The following NOSTRIN variants were observed in gnomAD, a reference collection of about 807,000 sequenced individuals.
NOSTRIN encodes BM247 homolog.
Under a neutral mutation model 59.0 loss-of-function variants are expected in NOSTRIN, and 63 were observed. That is an observed-to-expected ratio of 1.07 (90% CI 0.87 to 1.32). The LOEUF (loss-of-function observed/expected upper bound fraction) is 1.32, where lower values mean the gene tolerates loss of function less well. Among genes scored for constraint, NOSTRIN ranks in the 40% most tolerant of loss-of-function variants. NOSTRIN has a pLI of 0.00. For synonymous variants in NOSTRIN, 200 were observed against 165.4 expected, an observed-to-expected ratio of 1.21 and a Z score of -1.61; for missense variants, 512 against 473.1, an observed-to-expected ratio of 1.08 and a Z score of -0.76.
chr2:168,796,648 C>A (rs934745230), upstream of NOSTRIN, among the ~76,000 whole-genome samples: 1 of 152,182 alleles, frequency 6.6e-6, no homozygotes, highest in East Asian at 1.9e-4. Context: ...CTGTTTATAT[C>A]TTTTAACCAA....
At chr2:168,839,173 G>A (rs572062108) in intron 7 of NOSTRIN, among the ~76,000 whole-genome samples, 35 of 152,152 alleles carry the variant, frequency 2.3e-4, no homozygotes, top group African/African-American at 8.0e-4. Flanking sequence ...ATTCTCCGTC[G>A]TAAGCTGTGT....
At chr2:168,858,609 G>T (rs1431061543) in intron 12 of NOSTRIN, among the ~76,000 whole-genome samples, 1 of 152,244 alleles carries the variant, frequency 6.6e-6, no homozygotes, top group Admixed American at 6.5e-5. Context: ...AGACTATCAA[G>T]TGAAGGTCTA....
chr2:168,845,825 A>T (rs1450480924), intron 8 of NOSTRIN, among the ~76,000 whole-genome samples: 1 of 137,218 alleles, frequency 7.3e-6, no homozygotes, highest in Non-Finnish European at 1.5e-5. Flanking sequence ...TCCAAGTCAC[A>T]TGGAATATCT....
At chr2:168,837,280 AT>A (rs1687782980) in intron 7 of NOSTRIN, among the ~76,000 whole-genome samples, 2 of 91,426 alleles carry the variant, frequency 2.2e-5, no homozygotes, top group African/African-American at 8.1e-5. Flanking sequence ...TTTTTTTTTT[AT>A]AATACACTTT....
At chr2:168,863,832 A>T (rs895797281) in intron 15 of NOSTRIN, among the ~76,000 whole-genome samples, 4 of 152,208 alleles carry the variant, frequency 2.6e-5, no homozygotes, top group Non-Finnish European at 5.9e-5. Context: ...ACCAAGAAAG[A>T]GTTTGGTGAC....
chr2:168,859,386 A>T, intron 12 of NOSTRIN, 126 bp from the exon 13 acceptor site: 2 of 1,394,514 alleles, frequency 1.4e-6, no homozygotes, highest in Non-Finnish European at 1.9e-6. Flanking sequence ...TTTTCTGTGA[A>T]TATCTGTATG....
At chr2:168,844,733 G>A (rs183513634) in intron 8 of NOSTRIN, among the ~76,000 whole-genome samples, 9 of 152,274 alleles carry the variant, frequency 5.9e-5, no homozygotes, top group African/African-American at 1.7e-4. Flanking sequence ...AGCCGCGCGT[G>A]GTGGCGGGCG....
At position 168,861,408 on chromosome 2, in the gene NOSTRIN, C is replaced by T. The variant is rs76604500; in HGVS notation, c.1294+499C>T. 7.0e-3 allele frequency among the ~76,000 whole-genome samples: 1,058 copies of T among 152,034 alleles called. 28 individuals carry two copies. The highest frequency in any genetic ancestry group is 0.049 in the Admixed American group (752 of 15,258). On this transcript the variant is annotated intron_variant, in intron 14 of 15. Coordinates refer to ENST00000317647, the MANE Select transcript of NOSTRIN (RefSeq NM_001039724.4). The stretch of plus-strand genomic sequence containing the variant: ...CTCTTCATCTTTCAGCACACACACA[C>T]GTGTCACTGTACCTGCATGTTCAAG...
chr2:168,793,227 C>A (rs1014141344), upstream of NOSTRIN, among the ~76,000 whole-genome samples: 2 of 152,198 alleles, frequency 1.3e-5, no homozygotes, highest in Admixed American at 6.5e-5. Flanking sequence ...TGGTTCCTGG[C>A]AACAGCCTCC....
chr2:168,802,639 A>G lies in NOSTRIN; in HGVS notation c.-8A>G. 1 of 868,740 alleles carries G rather than the reference A, an allele frequency of 1.2e-6. No individual in the cohort carries two copies. The highest frequency in any genetic ancestry group is 1.7e-5 in the Admixed American group (1 of 58,818). 53.8% of individuals were successfully genotyped at this position (868,740 alleles called of 1,614,324 possible). A position where few individuals can be genotyped will look rare whatever the true frequency, so the allele number is the denominator to read the frequency against. ...AGGTGAAAGGACAAAAGCCAGACAC[A>G]TTTCAACATGAGGGACCCACTGACA... On this transcript the variant is annotated 5_prime_UTR_variant, in exon 1 of 16. Transcript: ENST00000317647.
chr2:168,808,912 A>C (rs1686002022), intron 1 of NOSTRIN, among the ~76,000 whole-genome samples: 1 of 152,220 alleles, frequency 6.6e-6, no homozygotes, highest in Non-Finnish European at 1.5e-5. Context: ...AAAAGGAAAA[A>C]AATAGTTGTT....
intron 2 of NOSTRIN, among the ~76,000 whole-genome samples, chr2:168,812,825 C>A (rs1262846264): frequency 6.6e-6 from 1 of 152,122 alleles, no homozygotes; most frequent in Non-Finnish European, 1.5e-5. Context: ...TTTGTTTTAA[C>A]CTTTTTTAAA....
At chr2:168,830,398 A>G (rs1687295973) in intron 5 of NOSTRIN, among the ~76,000 whole-genome samples, 2 of 152,194 alleles carry the variant, frequency 1.3e-5, no homozygotes, top group South Asian at 4.1e-4. Context: ...TTCTAAAGTG[A>G]CCTTGTTCCA....
intron 2 of NOSTRIN, among the ~76,000 whole-genome samples, chr2:168,819,803 C>T (rs556374618): frequency 6.6e-6 from 1 of 152,184 alleles, no homozygotes; most frequent in Admixed American, 6.5e-5. Context: ...TCGTGCTGTT[C>T]AGAGAGGCAA....
At chr2:168,798,314 C>T (rs1019433124), upstream of NOSTRIN, 2 of 152,152 alleles carry the variant, frequency 1.3e-5, no homozygotes, top group Non-Finnish European at 2.9e-5. Flanking sequence ...TCTTTGCACG[C>T]TTTGGCTACT....
At chr2:168,820,303 G>A (rs1686658292) in intron 2 of NOSTRIN, among the ~76,000 whole-genome samples, 4 of 152,260 alleles carry the variant, frequency 2.6e-5, no homozygotes, top group Middle Eastern at 3.4e-3. Context: ...GAAATGGGTA[G>A]AGAGAGTATA....
intron 7 of NOSTRIN, among the ~76,000 whole-genome samples, chr2:168,835,768 C>A (rs554756195): frequency 6.6e-6 from 1 of 152,226 alleles, no homozygotes; most frequent in Non-Finnish European, 1.5e-5. Flanking sequence ...CCACAACTGT[C>A]CATGTGTGAG....
At chr2:168,839,084 C>A (rs1278454282) in intron 7 of NOSTRIN, among the ~76,000 whole-genome samples, 2 of 152,016 alleles carry the variant, frequency 1.3e-5, no homozygotes, top group Non-Finnish European at 2.9e-5. Flanking sequence ...CACACCCAGC[C>A]AGGAAAAACT....
At chr2:168,845,789 C>CTTT (rs1559132593) in intron 8 of NOSTRIN, among the ~76,000 whole-genome samples, 2 of 86,102 alleles carry the variant, frequency 2.3e-5, no homozygotes, top group African/African-American at 1.5e-4. Flanking sequence ...TTTTTTTCTT[C>CTTT]CTTTTTTTTT....
Sources: allele counts gnomAD v4.1 joint callset (sites outside exome capture counted in the v4.1 genomes callset), GRCh38; gene constraint gnomAD v4.1.1; transcripts MANE v1.5; gene names NCBI Gene and HGNC (gene_info 2026-07-23, HGNC 2026-07-21).